Variants in ANKRD45 observed in about 807,000 individuals in gnomAD.
The protein encoded by ANKRD45 is ankyrin repeat domain 45, also known as ankyrin repeat domain-containing protein 45.
Under a neutral mutation model 28.1 loss-of-function variants are expected in ANKRD45, and 21 were observed. That is an observed-to-expected ratio of 0.75 (90% CI 0.53 to 1.08). The LOEUF (loss-of-function observed/expected upper bound fraction) is 1.08, where lower values mean the gene tolerates loss of function less well. Among genes scored for constraint, ANKRD45 ranks in the 50% least tolerant of loss-of-function variants. The pLI, the probability that ANKRD45 is intolerant of heterozygous loss-of-function variation, is 0.00. For synonymous variants in ANKRD45, 86 were observed against 103.9 expected, an observed-to-expected ratio of 0.83 and a Z score of 1.05; for missense variants, 261 against 308.7, an observed-to-expected ratio of 0.85 and a Z score of 1.16.
chr1:173,628,886 C>T lies in ANKRD45; in HGVS notation c.497-1727G>A, dbSNP rs749962425. Among the ~76,000 whole-genome samples the T allele has an allele frequency of 1.6e-3, 244 of 152,330 alleles. 2 individuals carry two copies. The highest frequency in any genetic ancestry group is 2.2e-3 in the Non-Finnish European group (153 of 68,024). ...AGGGCAGTCCTAGTGGTGGTGGCCACAGGGGTGCTTGTCTTACCCCTCCCC... is the reference window on the plus strand; with the variant it reads ...AGGGCAGTCCTAGTGGTGGTGGCCATAGGGGTGCTTGTCTTACCCCTCCCC... On this transcript the variant is annotated intron_variant, in intron 3 of 5. Transcript: ENST00000333279.
At position 173,624,798 on chromosome 1, in the gene ANKRD45, ATTTT is replaced by A; in HGVS notation, c.715_718del (p.Lys239Ter). ...TATCCAAAACTTACATGGTGTAGTC[ATTTT>A]TGTGAAGATAGGAGTCACAATATCT... is the stretch of plus-strand genomic sequence containing the variant. On this transcript the variant is annotated frameshift_variant, in exon 5 of 6. Transcript: ENST00000333279. LOFTEE classifies it high-confidence loss of function. 1 of 1,613,330 alleles carries A rather than the reference ATTTT, an allele frequency of 6.2e-7. No individual in the cohort carries two copies. The highest frequency in any genetic ancestry group is 8.5e-7 in the Non-Finnish European group (1 of 1,179,694).
At chr1:173,655,254 G>A (rs542729994) in intron 2 of ANKRD45, among the ~76,000 whole-genome samples, 50 of 152,296 alleles carry the variant, frequency 3.3e-4, no homozygotes, top group Middle Eastern at 3.4e-3. Flanking sequence ...GGTGTTTGAC[G>A]TTGGTGACCT....
chr1:173,635,843 A>T, intron 3 of ANKRD45: 1 of 1,525,654 alleles, frequency 6.6e-7, no homozygotes, highest in Non-Finnish European at 8.8e-7. Flanking sequence ...ACACCAAAAA[A>T]AGGTGAATTC....
At chr1:173,702,400 G>C in the ANKRD45 span, among the ~76,000 whole-genome samples, 2 of 152,074 alleles carry the variant, frequency 1.3e-5, no homozygotes, top group Non-Finnish European at 1.5e-5. Context: ...CATCATATAG[G>C]GGGTAGCTAA....
intron 5 of ANKRD45, among the ~76,000 whole-genome samples, chr1:173,620,063 A>G (rs904651538): frequency 3.3e-5 from 5 of 152,192 alleles, no homozygotes; most frequent in African/African-American, 1.2e-4. Context: ...GAAAATTAAC[A>G]AAGATATTCA....
At chr1:173,630,413 A>C (rs73031392) in intron 3 of ANKRD45, among the ~76,000 whole-genome samples, 246 of 152,316 alleles carry the variant, frequency 1.6e-3, no homozygotes, top group African/African-American at 5.7e-3. Flanking sequence ...AAAAAGTTGG[A>C]GGGGAATGAA....
chr1:173,634,977 G>A (rs969339129), intron 3 of ANKRD45, among the ~76,000 whole-genome samples: 3 of 151,974 alleles, frequency 2.0e-5, no homozygotes, highest in African/African-American at 7.2e-5. Flanking sequence ...CAGATGCTGG[G>A]TTATGTGAAG....
chr1:173,670,927 C>T (rs545106643), upstream of ANKRD45, among the ~76,000 whole-genome samples: 2 of 152,282 alleles, frequency 1.3e-5, no homozygotes, highest in East Asian at 1.9e-4. Flanking sequence ...TTTTTAATAA[C>T]GGTCTTGCAA....
At chr1:173,653,367 T>C (rs1669333336) in intron 2 of ANKRD45, among the ~76,000 whole-genome samples, 1 of 152,224 alleles carries the variant, frequency 6.6e-6, no homozygotes, top group Non-Finnish European at 1.5e-5. Flanking sequence ...CCAGTAGTCA[T>C]TCAGGAGCAG....
the ANKRD45 span, among the ~76,000 whole-genome samples, chr1:173,677,289 T>G: frequency 3.3e-5 from 5 of 152,076 alleles, no homozygotes; most frequent in Non-Finnish European, 5.9e-5. Context: ...TTTTTCAAAT[T>G]TTTATAAATA....
At chr1:173,617,665 G>A (rs12117115) in intron 5 of ANKRD45, among the ~76,000 whole-genome samples, 8,559 of 152,310 alleles carry the variant, frequency 0.056, 323 homozygotes, top group Non-Finnish European at 0.086. Context: ...AGGGATGACC[G>A]ATGTCTCTGC....
At chr1:173,674,187 T>A (rs2102410407), upstream of ANKRD45, among the ~76,000 whole-genome samples, 1 of 152,140 alleles carries the variant, frequency 6.6e-6, no homozygotes, top group South Asian at 2.1e-4. Flanking sequence ...TTTTTTTTTG[T>A]ATTTTTTGTA....
the ANKRD45 span, among the ~76,000 whole-genome samples, chr1:173,705,325 G>T: frequency 6.6e-6 from 1 of 151,232 alleles, no homozygotes; most frequent in African/African-American, 2.4e-5. Context: ...ATGCCTTTTA[G>T]TAAAATAAAA....
intron 1 of ANKRD45, among the ~76,000 whole-genome samples, chr1:173,663,463 C>T (rs1345727585): frequency 6.8e-6 from 1 of 147,112 alleles, no homozygotes; most frequent in African/African-American, 2.7e-5. Context: ...ATCTCATCTC[C>T]TTTTCTTTTG....
the ANKRD45 span, among the ~76,000 whole-genome samples, chr1:173,684,356 G>A: frequency 6.6e-6 from 1 of 151,878 alleles, no homozygotes; most frequent in East Asian, 1.9e-4. Flanking sequence ...TTTTTAACAT[G>A]TCTTGCCTTA....
intron 5 of ANKRD45, among the ~76,000 whole-genome samples, chr1:173,614,501 A>G (rs1342196181): frequency 8.5e-5 from 13 of 152,182 alleles, no homozygotes; most frequent in Non-Finnish European, 1.8e-4. Flanking sequence ...TCTTACCATC[A>G]TAAATATGAT....
intron 5 of ANKRD45, among the ~76,000 whole-genome samples, chr1:173,613,745 G>A (rs913792548): frequency 6.6e-5 from 10 of 152,150 alleles, no homozygotes; most frequent in Admixed American, 2.6e-4. Context: ...CCCTCTACCC[G>A]GCCACCACCC....
At position 173,659,270 on chromosome 1, in the gene ANKRD45, C is replaced by A; in HGVS notation, c.149G>T (p.Gly50Val). The change falls in exon 2 of 6, where the codon GGT becomes GTT. Residue 50 changes from glycine to valine, a missense_variant. Coordinates refer to ENST00000333279, the MANE Select transcript of ANKRD45 (RefSeq NM_198493.3). ...LQPALTGDVE[G>V]LQKIFEDPEN... Reference sequence around the variant, plus strand: ...AGGATCCTCAAATATCTTCTGCAAACCCTCTACATCCCCTGTGAGAGCAGG... The same window carrying A: ...AGGATCCTCAAATATCTTCTGCAAAACCTCTACATCCCCTGTGAGAGCAGG... The A allele has an allele frequency of 6.2e-7, 1 of 1,614,030 alleles. No individual in the cohort carries two copies. The highest frequency in any genetic ancestry group is 8.5e-7 in the Non-Finnish European group (1 of 1,180,008).
the ANKRD45 span, among the ~76,000 whole-genome samples, chr1:173,691,070 A>G: frequency 2.0e-5 from 3 of 152,094 alleles, no homozygotes; most frequent in Non-Finnish European, 4.4e-5. Context: ...AGCCACCCCA[A>G]CCAAGGAGTA....
Sources: gnomAD v4.1 joint callset for allele counts (sites outside exome capture counted in the v4.1 genomes callset) on GRCh38, gnomAD v4.1.1 for gene constraint, MANE v1.5 for transcripts, NCBI Gene and HGNC (gene_info 2026-07-23, HGNC 2026-07-21) for gene names.